The following TRABD2B variants were observed in gnomAD, a reference collection of about 807,000 sequenced individuals.
TRABD2B encodes the protein metalloprotease TIKI2.
Under a neutral mutation model 40.1 loss-of-function variants are expected in TRABD2B, and 14 were observed. That is an observed-to-expected ratio of 0.35 (90% confidence interval 0.23 to 0.55). The LOEUF is 0.55. Ranked by LOEUF, TRABD2B falls within the 20% of genes least tolerant of loss-of-function variation. TRABD2B has a pLI of 0.90. For synonymous variants in TRABD2B, 263 were observed against 277.0 expected, an observed-to-expected ratio of 0.95 and a Z score of 0.50; for missense variants, 541 against 648.6, an observed-to-expected ratio of 0.83 and a Z score of 1.80.
At chr1:47,987,363 T>C (rs1221663166) in intron 2 of TRABD2B, among the ~76,000 whole-genome samples, 1 of 152,204 alleles carries the variant, frequency 6.6e-6, no homozygotes, top group Non-Finnish European at 1.5e-5. Flanking sequence ...AGTCCCTAAA[T>C]GTCTCTGAGC....
intron 2 of TRABD2B, among the ~76,000 whole-genome samples, chr1:47,846,348 C>G (rs570593790): frequency 1.3e-5 from 2 of 152,374 alleles, no homozygotes; most frequent in South Asian, 4.1e-4. Context: ...TCTGGCTCAT[C>G]TGTGAAATGA....
At chr1:47,781,053 TG>T (rs1644514608) in intron 4 of TRABD2B, among the ~76,000 whole-genome samples, 1 of 152,120 alleles carries the variant, frequency 6.6e-6, no homozygotes, top group African/African-American at 2.4e-5. Flanking sequence ...CAGTACTGAG[TG>T]ATGGGCTGGA....
intron 2 of TRABD2B, among the ~76,000 whole-genome samples, chr1:47,875,268 A>T (rs1361630032): frequency 6.6e-6 from 1 of 151,560 alleles, no homozygotes; most frequent in African/African-American, 2.4e-5. Context: ...AAGACTGAAA[A>T]TTTCCTACCA....
intron 2 of TRABD2B, among the ~76,000 whole-genome samples, chr1:47,805,027 C>T (rs1644872399): frequency 6.6e-6 from 1 of 152,152 alleles, no homozygotes; most frequent in Non-Finnish European, 1.5e-5. Context: ...AGTTTGAGAA[C>T]CACTGATCTC....
chr1:47,851,075 A>G (rs1645543975), intron 2 of TRABD2B, among the ~76,000 whole-genome samples: 1 of 152,150 alleles, frequency 6.6e-6, no homozygotes, highest in African/African-American at 2.4e-5. Flanking sequence ...CTAACAGGCT[A>G]TGGACTGGTA....
intron 2 of TRABD2B, among the ~76,000 whole-genome samples, chr1:47,947,288 TTA>T (rs1645272740): frequency 6.6e-6 from 1 of 152,178 alleles, no homozygotes; most frequent in Non-Finnish European, 1.5e-5. Flanking sequence ...CACTGCAACT[TTA>T]TGAGATTTGT....
At position 47,939,335 on chromosome 1, in the gene TRABD2B, A is replaced by G. The variant is rs112376499; in HGVS notation, c.666+54699T>C. 5.0e-3 allele frequency among the ~76,000 whole-genome samples: 758 copies of G among 152,282 alleles called. 2 individuals are homozygous for G. Among genetic ancestry groups the G allele is most frequent in the Non-Finnish European group, 7.7e-3 (523 of 68,032 alleles). ...GGTGCACACAGACCAGGATACCAGG[A>G]TGGATGTTGTGATTTAAGTTAGAGA... On this transcript the variant is annotated intron_variant, in intron 2 of 6. Coordinates refer to ENST00000606738, the MANE Select transcript of TRABD2B (RefSeq NM_001194986.2).
At chr1:47,893,281 G>GTCC (rs1040799796) in intron 2 of TRABD2B, among the ~76,000 whole-genome samples, 8 of 152,162 alleles carry the variant, frequency 5.3e-5, no homozygotes, top group African/African-American at 1.9e-4. Context: ...TCCTAAAAGT[G>GTCC]TCCTCCTCAT....
intron 2 of TRABD2B, among the ~76,000 whole-genome samples, chr1:47,914,024 C>T (rs1644797069): frequency 6.6e-6 from 1 of 152,190 alleles, no homozygotes; most frequent in South Asian, 2.1e-4. Context: ...ATGGCGCCTG[C>T]CTTGGTAAAG....
At chr1:47,965,241 A>AGGGGGGG (rs1645585414) in intron 2 of TRABD2B, among the ~76,000 whole-genome samples, 1 of 15,996 alleles carries the variant, frequency 6.3e-5, no homozygotes, top group Non-Finnish European at 1.2e-4. Flanking sequence ...GTGGATGGGG[A>AGGGGGGG]GGTGGGGGGA....
At chr1:47,962,199 G>A (rs371125692) in intron 2 of TRABD2B, among the ~76,000 whole-genome samples, 15 of 149,846 alleles carry the variant, frequency 1.0e-4, no homozygotes, top group Admixed American at 3.3e-4. Context: ...AACATCACAC[G>A]CCGGGGCCTG....
intron 3 of TRABD2B, among the ~76,000 whole-genome samples, chr1:47,798,265 G>C (rs1474549142): frequency 6.6e-6 from 1 of 152,212 alleles, no homozygotes; most frequent in African/African-American, 2.4e-5. Flanking sequence ...AGTCCAGGTC[G>C]ATGGCTAGAG....
chr1:47,955,722 C>A lies in TRABD2B; in HGVS notation c.666+38312G>T, dbSNP rs192560721. On this transcript the variant is annotated intron_variant, in intron 2 of 6. Transcript: ENST00000606738. ...CTAAGGCCCTCATGAAGCCTCCTAC[C>A]CCAACTCATTAGCCTCAGATGTCTC... is the stretch of plus-strand genomic sequence containing the variant. 4.4e-3 allele frequency among the ~76,000 whole-genome samples: 639 copies of A among 145,386 alleles called. 7 individuals are homozygous for A. The highest frequency in any genetic ancestry group is 0.011 in the South Asian group (48 of 4,422).
rs77252326 is a variant in TRABD2B at position 47,897,726 on chromosome 1, T to C, written c.667-96107A>G. On this transcript the variant is annotated intron_variant, in intron 2 of 6. Transcript: ENST00000606738. Reference sequence around the variant, plus strand: ...ACAGGTGTACACACACACACACATATACAATCTGACCTGCCCCTGCCCAGC... The same window carrying C: ...ACAGGTGTACACACACACACACATACACAATCTGACCTGCCCCTGCCCAGC... Among the ~76,000 whole-genome samples, 763 of 152,192 alleles carry C rather than the reference T, an allele frequency of 5.0e-3. 3 individuals carry two copies. The highest frequency in any genetic ancestry group is 8.2e-3 in the Admixed American group (126 of 15,278).
At chr1:47,801,340 A>C in intron 3 of TRABD2B, 133 bp downstream of exon 3, 1 of 992,956 alleles carries the variant, frequency 1.0e-6, no homozygotes, top group East Asian at 2.7e-5. Context: ...TCTGAGCCTC[A>C]ATTTCCCCAC....
intron 2 of TRABD2B, among the ~76,000 whole-genome samples, chr1:47,906,956 C>T (rs1214774720): frequency 1.3e-5 from 2 of 152,236 alleles, no homozygotes; most frequent in African/African-American, 4.8e-5. Flanking sequence ...TGCCCAGTTT[C>T]AGCCCCTTCC....
At chr1:47,915,343 G>C (rs1232411427) in intron 2 of TRABD2B, among the ~76,000 whole-genome samples, 1 of 152,166 alleles carries the variant, frequency 6.6e-6, no homozygotes, top group Non-Finnish European at 1.5e-5. Flanking sequence ...GGAATACCTT[G>C]CTGAAGTTCA....
intron 2 of TRABD2B, among the ~76,000 whole-genome samples, chr1:47,825,753 C>T (rs6666271): frequency 0.077 from 11,638 of 152,092 alleles, 1,027 homozygotes; most frequent in East Asian, 0.21. Flanking sequence ...GGCACTGAGC[C>T]GGGAGGAAGT....
At position 47,847,622 on chromosome 1, in the gene TRABD2B, C is replaced by T. The variant is rs1451037323; in HGVS notation, c.667-46003G>A. On this transcript the variant is annotated intron_variant, in intron 2 of 6. Coordinates refer to ENST00000606738, the MANE Select transcript of TRABD2B (RefSeq NM_001194986.2). Reference sequence around the variant, plus strand: ...TGAGCTCAGTATTCCCTCACATCTGCTCCAGCGCCCTGCAGCCCTTGCACA... The same window carrying T: ...TGAGCTCAGTATTCCCTCACATCTGTTCCAGCGCCCTGCAGCCCTTGCACA... Among the ~76,000 whole-genome samples, 3 of 152,302 alleles carry T rather than the reference C, an allele frequency of 2.0e-5. No individual in the cohort carries two copies. In the East Asian group the frequency reaches 5.8e-4, roughly 29 times the overall value.
Sources: allele counts gnomAD v4.1 joint callset (sites outside exome capture counted in the v4.1 genomes callset), GRCh38; gene constraint gnomAD v4.1.1; transcripts MANE v1.5; gene names NCBI Gene and HGNC (gene_info 2026-07-23, HGNC 2026-07-21).